F8: variants seen among roughly 807,000 people sequenced by gnomAD.
F8 encodes antihemophilic factor.
Under a neutral mutation model 140.6 loss-of-function variants are expected in F8, and 12 were observed. The ratio of observed to expected loss-of-function variants is 0.09; its 90% CI spans 0.05 to 0.14. The LOEUF (loss-of-function observed/expected upper bound fraction) is 0.14. F8 is among the 10% of genes least tolerant of loss of function. The probability of loss-of-function intolerance (pLI) is 1.00; values close to 1 mark genes in which losing one functional copy is unlikely to be tolerated. For missense variants in F8, 1,354 were observed against 1,720.7 expected, an observed-to-expected ratio of 0.79 and a Z score of 3.77; for synonymous variants, 585 against 614.6, an observed-to-expected ratio of 0.95 and a Z score of 0.71.
At chrX:154,965,345 C>T (rs73567710) in intron 9 of F8, among the ~76,000 whole-genome samples, 14,079 of 110,884 alleles carry the variant, frequency 0.13, 735 homozygotes, top group Non-Finnish European at 0.15. Context: ...ATTTATGGAA[C>T]CAACGACCAA....
At chrX:155,010,432 C>T (rs1278420517) in intron 1 of F8, among the ~76,000 whole-genome samples, 1 of 111,497 alleles carries the variant, frequency 9.0e-6, no homozygotes, top group African/African-American at 3.3e-5. Flanking sequence ...TGAATTTTCC[C>T]AGCTGTTTAT....
chrX:154,973,112 C>G (rs1249929455), intron 6 of F8, among the ~76,000 whole-genome samples: 1 of 112,070 alleles, frequency 8.9e-6, no homozygotes, highest in Non-Finnish European at 1.9e-5. Flanking sequence ...AAAGACTGTT[C>G]TTTACCCATC....
At chrX:154,911,973 A>T (rs1427639464) in intron 14 of F8, among the ~76,000 whole-genome samples, 1 of 112,338 alleles carries the variant, frequency 8.9e-6, no homozygotes, top group African/African-American at 3.2e-5. Context: ...AGTTTTTCAT[A>T]TACCTGTTGG....
chrX:155,010,852 C>T (rs1257016402), intron 1 of F8, among the ~76,000 whole-genome samples: 1 of 111,620 alleles, frequency 9.0e-6, no homozygotes, highest in Non-Finnish European at 1.9e-5. Context: ...GCTATATAGG[C>T]TGTAGAACGA....
chrX:155,000,268 C>G lies in F8; in HGVS notation c.144-668G>C, dbSNP rs145569043. On this transcript the variant is annotated intron_variant, in intron 1 of 25. Coordinates refer to ENST00000360256, the MANE Select transcript of F8 (RefSeq NM_000132.4). ...TTTAGCATGTCTGGGGGCCTCCTCA[C>G]GCCAAATAATCAAAAGGACCAATGT... Among the ~76,000 whole-genome samples the G allele has an allele frequency of 2.4e-3, 272 of 112,171 alleles. 1 individual carries two copies. Among genetic ancestry groups the G allele is most frequent in the African/African-American group, 8.2e-3 (252 of 30,903 alleles).
At chrX:154,837,894 A>C in intron 25 of F8, 142 bp from the exon 26 acceptor site, 1 of 575,058 alleles carries the variant, frequency 1.7e-6, no homozygotes, top group Non-Finnish European at 2.9e-6. Context: ...TGTCCTACGC[A>C]TCTGGGACAT....
intron 22 of F8, among the ~76,000 whole-genome samples, chrX:154,876,285 A>C (rs1250886898): frequency 9.2e-6 from 1 of 109,039 alleles, no homozygotes; most frequent in Admixed American, 9.7e-5. Flanking sequence ...ACACCCAGCT[A>C]ATGTTTTGTA....
chrX:154,899,102 C>G (rs1557275781), intron 21 of F8, among the ~76,000 whole-genome samples: 1 of 112,502 alleles, frequency 8.9e-6, no homozygotes, highest in Non-Finnish European at 1.9e-5. Flanking sequence ...TTGGCAGAAG[C>G]ACAAACCAAC....
At chrX:155,020,437 A>G (rs1557287408) in intron 1 of F8, among the ~76,000 whole-genome samples, 1 of 112,379 alleles carries the variant, frequency 8.9e-6, no homozygotes, top group Non-Finnish European at 1.9e-5. Context: ...CTGGGAGATT[A>G]CACGTACAAT....
At chrX:154,881,725 A>C (rs1376456964) in intron 22 of F8, among the ~76,000 whole-genome samples, 3 of 110,336 alleles carry the variant, frequency 2.7e-5, no homozygotes, top group African/African-American at 1.0e-4. Context: ...GATAGAGGGC[A>C]TCCATGAAAA....
In F8 at chrX:154,960,951, A is replaced by T. The variant is rs2073392113; in HGVS notation, c.1537+124T>A. The T allele has an allele frequency of 3.0e-5, 15 of 503,752 alleles. No homozygotes were observed. The Admixed American group carries it at 4.2e-4, about 14-fold the overall frequency. The allele number at this position is 503,752 out of a possible 1,213,427, so 41.5% of individuals were successfully genotyped here. A position where few individuals can be genotyped will look rare whatever the true frequency, so the allele number is the denominator to read the frequency against. On this transcript the variant is annotated intron_variant, in intron 10 of 25. Transcript: ENST00000360256. ...CTATAATTGATTTTTATAACTTTAG[A>T]CTGGAGCTTGAGGTCCGGCCAACAG...
At chrX:155,013,293 T>G (rs782483030) in intron 1 of F8, among the ~76,000 whole-genome samples, 13 of 110,784 alleles carry the variant, frequency 1.2e-4, no homozygotes, top group African/African-American at 4.3e-4. Flanking sequence ...ATCATGGCAG[T>G]GGGGTTTTCC....
intron 22 of F8, among the ~76,000 whole-genome samples, chrX:154,866,369 C>A (rs782130304): frequency 1.8e-5 from 2 of 111,760 alleles, no homozygotes; most frequent in Admixed American, 1.9e-4. Flanking sequence ...CAAAACAGAA[C>A]TGAAGAATAA....
rs143471412 is a variant in F8 at position 154,869,614 on chromosome X, C to T, written c.6430-6387G>A. Among the ~76,000 whole-genome samples, 818 of 110,573 alleles carry T rather than the reference C, an allele frequency of 7.4e-3. 12 individuals carry two copies. The highest frequency in any genetic ancestry group is 0.024 in the African/African-American group (743 of 30,375). ...AGCAAGAAAAATTGAAAATTGACAC[C>T]CTAACATCAAAATTAAAGAATTAGA... On this transcript the variant is annotated intron_variant, in intron 22 of 25. Coordinates refer to ENST00000360256, the MANE Select transcript of F8 (RefSeq NM_000132.4).
intron 25 of F8, among the ~76,000 whole-genome samples, chrX:154,842,060 C>A (rs2072526269): frequency 1.8e-5 from 2 of 111,692 alleles, no homozygotes; most frequent in South Asian, 7.3e-4. Context: ...AATTAATAAC[C>A]TTTTAACACT....
intron 4 of F8, among the ~76,000 whole-genome samples, chrX:154,988,555 A>G (rs1231874951): frequency 8.9e-6 from 1 of 112,125 alleles, no homozygotes; most frequent in Non-Finnish European, 1.9e-5. Context: ...TTGTTGAACT[A>G]TAGTGATCTT....
chrX:154,862,784 T>A (rs2072703098), intron 23 of F8, among the ~76,000 whole-genome samples: 1 of 112,297 alleles, frequency 8.9e-6, no homozygotes, highest in South Asian at 3.7e-4. Flanking sequence ...TCCAATCTGT[T>A]GTTGATGGGC....
intron 14 of F8, chrX:154,920,163 A>T (rs965641453): frequency 1.6e-5 from 2 of 124,996 alleles, no homozygotes; most frequent in Non-Finnish European, 3.4e-5. Context: ...AGTAATAAAG[A>T]AGCAGTGGAC....
rs782473762 is a variant in F8 at position 154,953,960 on chromosome X, C to A, written c.1835G>T (p.Arg612Leu). ...RSWYLTENIQRFLPNPAGVQL... is the reference protein window; with the variant it reads ...RSWYLTENIQLFLPNPAGVQL... ...CACTCCAGCTGGATTGGGGAGAAAG[C>A]GTTGTATATTCTCTGTGAGGTACCA... The change falls in exon 12 of 26, where the codon CGC (arginine) becomes CTC (leucine). Residue 612 changes from arginine to leucine, a missense_variant. By Grantham distance (102) the Arg-to-Leu change is moderately radical. Around this residue, in one of 4 missense-constraint regions of F8, gnomAD observed 252 missense variants for 338.5 expected, o/e 0.74. Transcript: ENST00000360256. The A allele has an allele frequency of 3.3e-6, 4 of 1,211,318 alleles. No homozygotes were observed. The South Asian group carries it at 5.3e-5, about 16-fold the overall frequency.
Sources: allele counts gnomAD v4.1 joint callset (sites outside exome capture counted in the v4.1 genomes callset), GRCh38; gene constraint gnomAD v4.1.1; regional missense constraint gnomAD v4.1.1; transcripts MANE v1.5; gene names NCBI Gene and HGNC (gene_info 2026-07-23, HGNC 2026-07-21).